FAM76B: variants seen among roughly 807,000 people sequenced by gnomAD.
FAM76B encodes protein FAM76B.
Under a neutral mutation model 51.8 loss-of-function variants are expected in FAM76B, and 16 were observed. That is an observed-to-expected ratio of 0.31 (90% confidence interval 0.21 to 0.47). FAM76B has a LOEUF of 0.47. FAM76B is among the 20% of genes least tolerant of loss of function. The probability of loss-of-function intolerance (pLI) is 1.00; values close to 1 mark genes in which losing one functional copy is unlikely to be tolerated. For synonymous variants in FAM76B, 166 were observed against 129.5 expected (o/e 1.28, Z -1.91); for missense variants, 342 against 392.6 (o/e 0.87, Z 1.09).
At chr11:95,789,080 C>T (rs1860802519) in intron 1 of FAM76B, 1 of 1,408,310 alleles carries the variant, frequency 7.1e-7, no homozygotes, top group Middle Eastern at 2.7e-4. Context: ...AACATCTCCA[C>T]CCCTGGGTCT....
intron 9 of FAM76B, among the ~76,000 whole-genome samples, chr11:95,773,458 CAAA>C (rs56008636): frequency 3.9e-5 from 5 of 127,824 alleles, no homozygotes; most frequent in Admixed American, 8.0e-5. Context: ...TGCAGCCAGC[CAAA>C]AAAAAAAAAA....
intron 9 of FAM76B, 135 bp downstream of exon 9, chr11:95,775,787 A>G: frequency 2.1e-6 from 1 of 466,206 alleles, no homozygotes; most frequent in Non-Finnish European, 3.7e-6. Context: ...AAAAATGATT[A>G]TAAAGTCAAA....
intron 4 of FAM76B, among the ~76,000 whole-genome samples, chr11:95,784,593 ATT>A (rs1207939051): frequency 6.7e-5 from 9 of 133,874 alleles, no homozygotes; most frequent in African/African-American, 8.6e-5. Context: ...CACACACACA[ATT>A]TTTTTTTTTT....
In FAM76B at chr11:95,779,908, T is replaced by C. The variant is rs371395646; in HGVS notation, c.582A>G (p.Pro194=). 169 of 1,604,938 alleles carry C rather than the reference T, an allele frequency of 1.1e-4. No individual in the cohort carries two copies. The African/African-American group carries it at 2.0e-3, about 19-fold the overall frequency. Residue 194 remains proline, a synonymous_variant, in exon 6 of 10, where the codon CCA becomes CCG. Coordinates refer to ENST00000358780, the MANE Select transcript of FAM76B (RefSeq NM_144664.5). ...SSHHKISNLS[P]EEEQGLWKQS... Reference sequence around the variant, plus strand: ...GTTTCCACAGTCCCTGCTCTTCTTCTGGACTTAGATTGCTGATTCTGAAAA... The same window carrying C: ...GTTTCCACAGTCCCTGCTCTTCTTCCGGACTTAGATTGCTGATTCTGAAAA...
Position 95,786,149 on chromosome 11 carries a change from A to G in FAM76B, c.333T>C (p.Ala111=). ...TTCTTCCTTCCTCCTTCCGATCAAAAGCACATTGCTGTTTGCACTGTTCAC... is the reference window on the plus strand; with the variant it reads ...TTCTTCCTTCCTCCTTCCGATCAAAGGCACATTGCTGTTTGCACTGTTCAC... ...QTCEQCKQQC[A]FDRKEEGRRK... Residue 111 remains alanine (A), a synonymous_variant, in exon 4 of 10, where the codon GCT becomes GCC. Coordinates refer to ENST00000358780, the MANE Select transcript of FAM76B (RefSeq NM_144664.5). 1 of 1,611,726 alleles carries G rather than the reference A, an allele frequency of 6.2e-7. No homozygotes were observed. The highest frequency in any genetic ancestry group is 8.5e-7 in the Non-Finnish European group (1 of 1,178,686).
At chr11:95,789,232 A>T in intron 1 of FAM76B, 160 bp downstream of exon 1, 1 of 964,790 alleles carries the variant, frequency 1.0e-6, no homozygotes, top group Non-Finnish European at 1.5e-6. Context: ...GCTAATGTTC[A>T]AGCCCCCAGA....
chr11:95,770,005 C>T lies in FAM76B; in HGVS notation c.*1556G>A, dbSNP rs143340138. The T allele has an allele frequency of 1.8e-4, 27 of 151,654 alleles. No individual in the cohort carries two copies. In the East Asian group the frequency reaches 4.8e-3, roughly 27 times the overall value. The allele number at this position is 151,654 out of a possible 1,614,324, so 9.4% of individuals were successfully genotyped here. On this transcript the variant is annotated 3_prime_UTR_variant, in exon 10 of 10. Transcript: ENST00000358780. Reference sequence around the variant, plus strand: ...TTAAGAAAGCCAATCTTTGATATGACATTCACAATCAATGCTTGTATAAAA... The same window carrying T: ...TTAAGAAAGCCAATCTTTGATATGATATTCACAATCAATGCTTGTATAAAA...
intron 3 of FAM76B, chr11:95,786,525 TGTTA>T (rs1860597810): frequency 2.9e-6 from 1 of 341,062 alleles, no homozygotes; most frequent in Non-Finnish European, 5.3e-6. Context: ...TTGCATAGTC[TGTTA>T]GATAATACAA....
chr11:95,789,412 G>A lies in FAM76B; in HGVS notation c.67C>T (p.Gln23Ter). 2 of 1,606,388 alleles carry A rather than the reference G, an allele frequency of 1.2e-6. No individual in the cohort carries two copies. The highest frequency in any genetic ancestry group is 1.7e-6 in the Non-Finnish European group (2 of 1,176,700). ...TQRYPFEELS[Q>*]GQQLCKECRI... ...CGGACCTTGCAGAGCTGCTGGCCCTGGGAGAGCTCCTCGAAAGGATAACGC... is the reference window on the plus strand; with the variant it reads ...CGGACCTTGCAGAGCTGCTGGCCCTAGGAGAGCTCCTCGAAAGGATAACGC... The change falls in exon 1 of 10, where the codon CAG becomes TAG. Residue 23 changes from glutamine (Q) to a stop codon, truncating the protein, a stop_gained. Coordinates refer to ENST00000358780, the MANE Select transcript of FAM76B (RefSeq NM_144664.5). LOFTEE classifies it high-confidence loss of function.
At chr11:95,785,961 C>T (rs1207305221) in intron 4 of FAM76B, among the ~76,000 whole-genome samples, 158 bp downstream of exon 4, 1 of 152,182 alleles carries the variant, frequency 6.6e-6, no homozygotes, top group African/African-American at 2.4e-5. Context: ...ATCATGCAAA[C>T]AAAGAGAAAA....
chr11:95,781,552 C>T (rs1205835561), intron 5 of FAM76B, among the ~76,000 whole-genome samples: 1 of 152,056 alleles, frequency 6.6e-6, no homozygotes, highest in Non-Finnish European at 1.5e-5. Context: ...CAAACATAAT[C>T]TGATTGTGTC....
chr11:95,774,339 G>C (rs1246260774), intron 9 of FAM76B, among the ~76,000 whole-genome samples: 1 of 151,288 alleles, frequency 6.6e-6, no homozygotes, highest in Non-Finnish European at 1.5e-5. Flanking sequence ...TTAAATATTG[G>C]TTACTTTTAT....
rs956287777 is a variant in FAM76B at position 95,789,560 on chromosome 11, G to C, written c.-82C>G. 1.5e-6 allele frequency: 2 copies of C among 1,319,774 alleles called. No homozygotes were observed. The highest frequency in any genetic ancestry group is 1.3e-5 in the South Asian group (1 of 75,140). The allele number at this position is 1,319,774 out of a possible 1,614,324, so 81.8% of individuals were successfully genotyped here. A position where few individuals can be genotyped will look rare whatever the true frequency, so the allele number is the denominator to read the frequency against. On this transcript the variant is annotated 5_prime_UTR_variant, in exon 1 of 10. Coordinates refer to ENST00000358780, the MANE Select transcript of FAM76B (RefSeq NM_144664.5). ...GAACCCGAGAGCCGCCGCCGCCCGG[G>C]CCGCGGGCTCCTCCTCCTCCCCCTC...
At chr11:95,787,028 C>G (rs1466917963) in intron 3 of FAM76B, among the ~76,000 whole-genome samples, 1 of 152,106 alleles carries the variant, frequency 6.6e-6, no homozygotes, top group Non-Finnish European at 1.5e-5. Context: ...TCTGATGATG[C>G]AAACTTTATG....
At chr11:95,777,464 A>AT (rs1428402157) in intron 8 of FAM76B, among the ~76,000 whole-genome samples, 1 of 151,370 alleles carries the variant, frequency 6.6e-6, no homozygotes. Flanking sequence ...TTTTGAAATC[A>AT]TTGCTATTTT....
chr11:95,774,529 T>C (rs1859911751), intron 9 of FAM76B, among the ~76,000 whole-genome samples: 1 of 151,486 alleles, frequency 6.6e-6, no homozygotes. Flanking sequence ...ATTGCAGTTA[T>C]TCTGTTATCT....
intron 9 of FAM76B, among the ~76,000 whole-genome samples, chr11:95,772,987 T>C (rs1355109085): frequency 6.6e-6 from 1 of 151,128 alleles, no homozygotes; most frequent in Non-Finnish European, 1.5e-5. Flanking sequence ...AAAACTTCAA[T>C]TTCAAATTCA....
At chr11:95,784,857 G>T (rs1214646895) in intron 4 of FAM76B, among the ~76,000 whole-genome samples, 1 of 152,052 alleles carries the variant, frequency 6.6e-6, no homozygotes. Flanking sequence ...AAAGTGCTGG[G>T]ATTACAAGCA....
chr11:95,778,897 T>C lies in FAM76B; in HGVS notation c.753A>G (p.Gln251=), dbSNP rs776463472. The change falls in exon 8 of 10, where the codon CAA becomes CAG. Residue 251 remains glutamine (Q), a synonymous_variant. Coordinates refer to ENST00000358780, the MANE Select transcript of FAM76B (RefSeq NM_144664.5). ...TAAGTGACATCACTTCTTCTTTCAA[T>C]TGACTTATAAGGACAAAATTGTCTG... The part of the protein sequence containing the change: ...GGTDNFVLIS[Q]LKEEVMSLKR... 7.4e-6 allele frequency: 12 copies of C among 1,610,838 alleles called. No homozygotes were observed. The highest frequency in any genetic ancestry group is 6.7e-5 in the East Asian group (3 of 44,758).
Sources: gnomAD v4.1 joint callset for allele counts (sites outside exome capture counted in the v4.1 genomes callset) on GRCh38, gnomAD v4.1.1 for gene constraint, MANE v1.5 for transcripts, NCBI Gene and HGNC (gene_info 2026-07-23, HGNC 2026-07-21) for gene names.